The following MICAL3 variants were observed in gnomAD, a reference collection of about 807,000 sequenced individuals.
The protein encoded by MICAL3 is [F-actin]-monooxygenase MICAL3.
Under a neutral mutation model 207.4 loss-of-function variants are expected in MICAL3, and 62 were observed. The ratio of observed to expected loss-of-function variants is 0.30; its 90% CI spans 0.24 to 0.37. The LOEUF (loss-of-function observed/expected upper bound fraction) is 0.37. Ranked by LOEUF, MICAL3 falls within the 10% of genes least tolerant of loss-of-function variation. The pLI is 1.00. For missense variants in MICAL3, 2,368 were observed against 2,635.6 expected, an observed-to-expected ratio of 0.90 and a Z score of 2.22; for synonymous variants, 1,077 against 1,069.3, an observed-to-expected ratio of 1.01 and a Z score of -0.14.
intron 1 of MICAL3, among the ~76,000 whole-genome samples, chr22:17,927,106 C>G (rs910234806): frequency 2.6e-5 from 4 of 152,192 alleles, no homozygotes; most frequent in African/African-American, 7.2e-5. Flanking sequence ...CCTTCCTCAG[C>G]CCATGGTTGT....
At chr22:17,855,950 C>A (rs1925838094) in intron 19 of MICAL3, among the ~76,000 whole-genome samples, 1 of 152,248 alleles carries the variant, frequency 6.6e-6, no homozygotes, top group Non-Finnish European at 1.5e-5. Context: ...CTGCCCAACT[C>A]TGAGTTTATT....
At chr22:17,976,677 A>G (rs950063957) in intron 1 of MICAL3, among the ~76,000 whole-genome samples, 6 of 141,830 alleles carry the variant, frequency 4.2e-5, no homozygotes, top group Non-Finnish European at 9.2e-5. Context: ...ACAAGCTTTA[A>G]AGAGCTTTTG....
chr22:17,822,014 T>C lies in MICAL3; in HGVS notation c.3448+16A>G, dbSNP rs758776619. 10 of 1,612,530 alleles carry C rather than the reference T, an allele frequency of 6.2e-6. No homozygotes were observed. In the Admixed American group the frequency reaches 8.4e-5, roughly 13 times the overall value. ...GGAATTCTGAAAGTTGTTTCTCCCATCAAAGACAGGCTCACCTCTCTCTTG... is the reference window on the plus strand; with the variant it reads ...GGAATTCTGAAAGTTGTTTCTCCCACCAAAGACAGGCTCACCTCTCTCTTG... On this transcript the variant is annotated intron_variant, in intron 24 of 31. Coordinates refer to ENST00000441493, the MANE Select transcript of MICAL3 (RefSeq NM_015241.3).
chr22:17,801,148 CTTTTT>C (rs978301664), intron 29 of MICAL3, among the ~76,000 whole-genome samples: 1 of 91,926 alleles, frequency 1.1e-5, no homozygotes, highest in African/African-American at 6.7e-5. Flanking sequence ...TTTCCTTTTT[CTTTTT>C]TTTTTTTTTT....
At chr22:17,864,091 C>T (rs1926806438) in intron 19 of MICAL3, 1 of 986,924 alleles carries the variant, frequency 1.0e-6, no homozygotes, top group South Asian at 4.7e-5. Context: ...GCAAGTTTTA[C>T]AAGTTGCTGA....
intron 2 of MICAL3, among the ~76,000 whole-genome samples, chr22:17,905,170 C>A (rs945422947): frequency 2.6e-5 from 4 of 152,190 alleles, no homozygotes; most frequent in African/African-American, 7.2e-5. Context: ...CAATCAAATA[C>A]AATCTTACAT....
At chr22:17,950,329 T>G (rs1420766900) in intron 1 of MICAL3, among the ~76,000 whole-genome samples, 1 of 130,030 alleles carries the variant, frequency 7.7e-6, no homozygotes, top group African/African-American at 3.3e-5. Context: ...ATCTGGCGTT[T>G]TGTTTTTGTT....
intron 13 of MICAL3, among the ~76,000 whole-genome samples, chr22:17,888,359 G>A (rs1425974065): frequency 6.6e-6 from 1 of 152,188 alleles, no homozygotes; most frequent in Admixed American, 6.5e-5. Context: ...AATATTTTTT[G>A]TAGCACTATG....
intron 1 of MICAL3, among the ~76,000 whole-genome samples, chr22:18,009,204 TC>T (rs1365013639): frequency 1.5e-3 from 128 of 85,628 alleles, no homozygotes; most frequent in African/African-American, 9.2e-3. Flanking sequence ...CTTCTGTAAC[TC>T]GCAGAAGACT....
At position 17,985,966 on chromosome 22, in the gene MICAL3, G is replaced by C. The variant is rs185242325; in HGVS notation, c.-75+38315C>G. On this transcript the variant is annotated intron_variant, in intron 1 of 31. Coordinates refer to ENST00000441493, the MANE Select transcript of MICAL3 (RefSeq NM_015241.3). The stretch of plus-strand genomic sequence containing the variant: ...CTGTCGCCCAGGGTGGAGTGCAGTG[G>C]CAGCAATCTCGGCTCACTGAAACCT... Among the ~76,000 whole-genome samples the C allele has an allele frequency of 3.6e-3, 543 of 152,254 alleles. 8 individuals are homozygous for C. The highest frequency in any genetic ancestry group is 0.013 in the African/African-American group (521 of 41,542).
chr22:17,834,186 G>A (rs1283530568), intron 20 of MICAL3: 8 of 986,282 alleles, frequency 8.1e-6, no homozygotes, highest in South Asian at 7.8e-5. Flanking sequence ...CTGTGTGACT[G>A]TGAGTTGATT....
chr22:17,934,252 A>T lies in MICAL3; in HGVS notation c.-74-27366T>A. Reference sequence around the variant, plus strand: ...AATCCAGCAGCACATCAAAAAGTTTATCCACCATGATCAAGTCAGCTTCAT... The same window carrying T: ...AATCCAGCAGCACATCAAAAAGTTTTTCCACCATGATCAAGTCAGCTTCAT... On this transcript the variant is annotated intron_variant, in intron 1 of 31. Coordinates refer to ENST00000441493, the MANE Select transcript of MICAL3 (RefSeq NM_015241.3). 1.3e-5 allele frequency among the ~76,000 whole-genome samples: 2 copies of T among 152,248 alleles called. 1 individual carries two copies. Among genetic ancestry groups the T allele is most frequent in the Non-Finnish European group, 2.9e-5 (2 of 68,034 alleles).
At position 17,818,405 on chromosome 22, in the gene MICAL3, C is replaced by T. The variant is rs568643015; in HGVS notation, c.4256G>A (p.Arg1419His). 19 of 1,611,442 alleles carry T rather than the reference C, an allele frequency of 1.2e-5. No individual in the cohort carries two copies. Among genetic ancestry groups the T allele is most frequent in the East Asian group, 8.9e-5 (4 of 44,868 alleles). ...GCCAGAGCTGCTGGACAGCTCCCTG[C>T]GCTCCTCCTGGGCGCTGCGTAGCTC... Reference protein sequence around the residue: ...DRELRSAQEERRELSSSSGLG... With the variant: ...DRELRSAQEEHRELSSSSGLG... Residue 1419 changes from arginine (R) to histidine (H), a missense_variant, in exon 26 of 32, where the codon CGC becomes CAC. By Grantham distance (29) the Arg-to-His change is conservative (BLOSUM62 0). Around this residue, in one of 4 missense-constraint regions of MICAL3, gnomAD observed 1,770 missense variants for 1,863.2 expected, o/e 0.95. Transcript: ENST00000441493.
At chr22:17,929,860 G>A (rs534973081) in intron 1 of MICAL3, among the ~76,000 whole-genome samples, 1 of 152,122 alleles carries the variant, frequency 6.6e-6, no homozygotes, top group East Asian at 1.9e-4. Flanking sequence ...GAGCCACTGC[G>A]CCCGGCCTCT....
rs561856269 is a variant in MICAL3 at position 17,801,689 on chromosome 22, T to C, written c.5650+7155A>G. 1.4e-3 allele frequency among the ~76,000 whole-genome samples: 205 copies of C among 148,898 alleles called. 1 individual carries two copies. Among genetic ancestry groups the C allele is most frequent in the Admixed American group, 4.0e-3 (60 of 14,988 alleles). The stretch of plus-strand genomic sequence containing the variant: ...CGGGCGGATCACCTGAAGTCAGGAG[T>C]TGGAGACCAGCCTGGCCAACATGGT... On this transcript the variant is annotated intron_variant, in intron 29 of 31. Coordinates refer to ENST00000441493, the MANE Select transcript of MICAL3 (RefSeq NM_015241.3).
intron 1 of MICAL3, among the ~76,000 whole-genome samples, chr22:18,002,240 T>C (rs1210767114): frequency 6.6e-6 from 1 of 152,020 alleles, no homozygotes; most frequent in Non-Finnish European, 1.5e-5. Flanking sequence ...TTTGTTGCTC[T>C]TAGTTGCCGC....
Position 17,896,911 on chromosome 22 carries a change from C to T in MICAL3, c.1019G>A (p.Arg340Lys), listed in dbSNP as rs1262947706. 6.2e-7 allele frequency: 1 copy of T among 1,613,900 alleles called. No individual in the cohort carries two copies. Among genetic ancestry groups the T allele is most frequent in the African/African-American group, 1.3e-5 (1 of 74,922 alleles). ...VDQEALLSYA[R>K]EAADFSTQQQ... ...CTGGGTAGAGAAGTCTGCCGCCTCC[C>T]TGGCATAGCTGAGCAGAGCCTCCTG... Residue 340 changes from arginine to lysine, a missense_variant, in exon 8 of 32, where the codon AGG becomes AAG. Physicochemically the swap from Arg to Lys is conservative, Grantham distance 26. Around this residue, in one of 4 missense-constraint regions of MICAL3, gnomAD observed 400 missense variants for 547.0 expected, o/e 0.73. Transcript: ENST00000441493.
At chr22:17,986,442 C>T (rs917010764) in intron 1 of MICAL3, among the ~76,000 whole-genome samples, 1 of 152,088 alleles carries the variant, frequency 6.6e-6, no homozygotes, top group African/African-American at 2.4e-5. Context: ...ATCGCTTAAA[C>T]CCGGGAGGCA....
intron 1 of MICAL3, among the ~76,000 whole-genome samples, chr22:17,953,301 G>C (rs1450989663): frequency 2.0e-5 from 3 of 152,188 alleles, no homozygotes; most frequent in African/African-American, 7.2e-5. Flanking sequence ...GAACCTCTCT[G>C]AAACCAGTCC....
Sources: gnomAD v4.1 joint callset for allele counts (sites outside exome capture counted in the v4.1 genomes callset) on GRCh38, gnomAD v4.1.1 for gene constraint, gnomAD v4.1.1 regional missense constraint, MANE v1.5 for transcripts, NCBI Gene and HGNC (gene_info 2026-07-23, HGNC 2026-07-21) for gene names.